GXYLT1: variants seen among roughly 807,000 people sequenced by gnomAD.
GXYLT1 encodes glycosyltransferase 8 domain containing 3.
GXYLT1 carries 29 observed loss-of-function variants against 54.0 expected under a neutral mutation model. The observed-to-expected ratio is 0.54, with a 90% confidence interval of 0.40 to 0.73. GXYLT1 has a LOEUF of 0.73. Among genes scored for constraint, GXYLT1 ranks in the 30% least tolerant of loss-of-function variants. The pLI, the probability that GXYLT1 is intolerant of heterozygous loss-of-function variation, is 0.00. For missense variants in GXYLT1, 490 were observed against 553.4 expected, an observed-to-expected ratio of 0.89 and a Z score of 1.15; for synonymous variants, 176 against 204.1, an observed-to-expected ratio of 0.86 and a Z score of 1.17.
intron 1 of GXYLT1, among the ~76,000 whole-genome samples, chr12:42,134,224 A>G (rs2065607791): frequency 6.6e-6 from 1 of 152,080 alleles, no homozygotes; most frequent in Non-Finnish European, 1.5e-5. Flanking sequence ...AAAGAGAGAG[A>G]GAAGAAAAAG....
chr12:42,144,668 T>TCCC lies in GXYLT1; in HGVS notation c.-23_-22insGGG. ...GCATCGCCCCGGCCGCGCTCCTCCT[T>TCCC]CGCCGCCGCCGCCGCGCCCGCCCCG... On this transcript the variant is annotated 5_prime_UTR_variant, in exon 1 of 8. Transcript: ENST00000398675. The TCCC allele has an allele frequency of 7.2e-7, 1 of 1,380,352 alleles. No homozygotes were observed. Among genetic ancestry groups the TCCC allele is most frequent in the Non-Finnish European group, 9.5e-7 (1 of 1,056,874 alleles). The allele number at this position is 1,380,352 out of a possible 1,614,324, so 85.5% of individuals were successfully genotyped here.
chr12:42,116,714 T>G (rs570626726), intron 3 of GXYLT1, among the ~76,000 whole-genome samples: 5 of 152,158 alleles, frequency 3.3e-5, no homozygotes, highest in Non-Finnish European at 5.9e-5. Flanking sequence ...GTGGAAGTCA[T>G]TGTGGTGATT....
chr12:42,114,559 A>G (rs1458965908), intron 3 of GXYLT1, among the ~76,000 whole-genome samples: 3 of 152,208 alleles, frequency 2.0e-5, no homozygotes, highest in Non-Finnish European at 4.4e-5. Context: ...CGACACATAC[A>G]TCCTCCCAAG....
At position 42,087,849 on chromosome 12, in the gene GXYLT1, T is replaced by C. The variant is rs749655011; in HGVS notation, c.1260A>G (p.Ile420Met). ...VHTYCGKIYK[I>M]FIKQLAKSVR... ...CACTTTTTGCTAGTTGTTTGATAAA[T>C]ATTTTGTAAATTTTTCCACAGTATG... The change falls in exon 8 of 8, where the codon ATA becomes ATG. Residue 420 changes from isoleucine to methionine, a missense_variant. Ile to Met is a conservative substitution (Grantham distance 10). Transcript: ENST00000398675. 2 of 1,607,178 alleles carry C rather than the reference T, an allele frequency of 1.2e-6. No homozygotes were observed. The highest frequency in any genetic ancestry group is 2.2e-5 in the South Asian group (2 of 90,140).
intron 3 of GXYLT1, among the ~76,000 whole-genome samples, chr12:42,110,707 C>T (rs962381377): frequency 1.3e-5 from 2 of 152,206 alleles, no homozygotes; most frequent in Non-Finnish European, 2.9e-5. Flanking sequence ...CATGCCACCA[C>T]AACCAGCTAT....
intron 1 of GXYLT1, 92 bp from the exon 2 acceptor site, chr12:42,129,943 T>G: frequency 1.3e-6 from 1 of 762,508 alleles, no homozygotes; most frequent in East Asian, 2.6e-5. Context: ...AACTTACTGT[T>G]CTATTTTAAA....
Position 42,092,207 on chromosome 12 carries a change from A to T in GXYLT1, c.1162-4260T>A, listed in dbSNP as rs143894483. 4.6e-5 allele frequency among the ~76,000 whole-genome samples: 7 copies of T among 152,312 alleles called. No individual in the cohort carries two copies. The East Asian group carries it at 1.2e-3, about 25-fold the overall frequency. ...ATTTCAGTCACTAACAAATAATGAG[A>T]ACTTAGGAAACGGGGGTCATCAGCT... On this transcript the variant is annotated intron_variant, in intron 7 of 7. Coordinates refer to ENST00000398675, the MANE Select transcript of GXYLT1 (RefSeq NM_173601.2).
chr12:42,100,904 T>A (rs921219471), intron 5 of GXYLT1, among the ~76,000 whole-genome samples: 1 of 151,874 alleles, frequency 6.6e-6, no homozygotes, highest in Non-Finnish European at 1.5e-5. Flanking sequence ...GAAATACAGA[T>A]ACATATTTAA....
chr12:42,100,508 C>T (rs558650760), intron 5 of GXYLT1, among the ~76,000 whole-genome samples: 49 of 149,766 alleles, frequency 3.3e-4, no homozygotes, highest in Non-Finnish European at 4.4e-4. Context: ...AATTCAGTGA[C>T]GATATAAACA....
intron 7 of GXYLT1, among the ~76,000 whole-genome samples, chr12:42,089,746 T>C (rs2065318839): frequency 6.6e-6 from 1 of 152,296 alleles, no homozygotes; most frequent in South Asian, 2.1e-4. Context: ...AAAATCCTGT[T>C]GAAGGACGAA....
intron 2 of GXYLT1, among the ~76,000 whole-genome samples, chr12:42,122,070 A>T (rs2065534760): frequency 6.6e-6 from 1 of 152,152 alleles, no homozygotes; most frequent in Non-Finnish European, 1.5e-5. Flanking sequence ...GTCTACAAAA[A>T]TCTTTCTTTC....
At chr12:42,115,173 C>A (rs2065485886) in intron 3 of GXYLT1, among the ~76,000 whole-genome samples, 1 of 152,172 alleles carries the variant, frequency 6.6e-6, no homozygotes, top group African/African-American at 2.4e-5. Context: ...CAGCTAATAT[C>A]ATACTGAATG....
At chr12:42,090,671 T>C (rs1592099931) in intron 7 of GXYLT1, among the ~76,000 whole-genome samples, 1 of 152,316 alleles carries the variant, frequency 6.6e-6, no homozygotes, top group Admixed American at 6.5e-5. Context: ...TACAGGAGAA[T>C]GGCAGTTCAA....
intron 2 of GXYLT1, among the ~76,000 whole-genome samples, chr12:42,124,150 A>G (rs932700355): frequency 1.3e-5 from 2 of 152,062 alleles, no homozygotes; most frequent in East Asian, 1.9e-4. Flanking sequence ...CAGTGAAAAT[A>G]TATCTCTTAA....
intron 5 of GXYLT1, among the ~76,000 whole-genome samples, chr12:42,098,283 G>T (rs1279894099): frequency 6.6e-6 from 1 of 152,160 alleles, no homozygotes; most frequent in East Asian, 1.9e-4. Context: ...GAAAGTAACT[G>T]TGTCCTTATC....
At chr12:42,093,320 C>T (rs1010366493) in intron 7 of GXYLT1, among the ~76,000 whole-genome samples, 1 of 152,250 alleles carries the variant, frequency 6.6e-6, no homozygotes, top group Non-Finnish European at 1.5e-5. Context: ...AGGCTGGTCT[C>T]GAACTCCTGA....
At chr12:42,093,830 G>A (rs887276844) in intron 7 of GXYLT1, among the ~76,000 whole-genome samples, 9 of 152,020 alleles carry the variant, frequency 5.9e-5, no homozygotes, top group African/African-American at 1.7e-4. Context: ...GAGCCACTGC[G>A]CCCAGCCAAA....
intron 1 of GXYLT1, among the ~76,000 whole-genome samples, chr12:42,139,656 G>T (rs1164994265): frequency 6.6e-6 from 1 of 152,154 alleles, no homozygotes; most frequent in African/African-American, 2.4e-5. Flanking sequence ...CTCTCTAGTC[G>T]ATGGTATTTT....
At chr12:42,103,839 C>G (rs2065403799) in intron 5 of GXYLT1, among the ~76,000 whole-genome samples, 2 of 151,812 alleles carry the variant, frequency 1.3e-5, no homozygotes, top group African/African-American at 4.8e-5. Context: ...ATTATTCCAA[C>G]TCCCATAACT....
Sources: allele counts gnomAD v4.1 joint callset (sites outside exome capture counted in the v4.1 genomes callset), GRCh38; gene constraint gnomAD v4.1.1; transcripts MANE v1.5; gene names NCBI Gene and HGNC (gene_info 2026-07-23, HGNC 2026-07-21).